Variants in NDST3 observed in about 807,000 individuals in gnomAD.
The protein encoded by NDST3 is bifunctional heparan sulfate N-deacetylase/N-sulfotransferase 3.
In NDST3, 58 loss-of-function variants were observed where a neutral mutation model predicts 96.1. That is an observed-to-expected ratio of 0.60 (90% CI 0.49 to 0.75). The LOEUF (loss-of-function observed/expected upper bound fraction) is 0.75, where lower values mean the gene tolerates loss of function less well. Among genes scored for constraint, NDST3 ranks in the 30% least tolerant of loss-of-function variants. NDST3 has a pLI of 0.00. For missense variants in NDST3, 788 were observed against 1,034.2 expected, an observed-to-expected ratio of 0.76 and a Z score of 3.27; for synonymous variants, 333 against 359.7, an observed-to-expected ratio of 0.93 and a Z score of 0.84.
chr4:118,055,033 C>T, intron 2 of NDST3, 142 bp downstream of exon 2: 2 of 937,854 alleles, frequency 2.1e-6, no homozygotes, highest in Non-Finnish European at 3.4e-6. Context: ...ATCGCTCACC[C>T]TAAATCAACT....
intron 2 of NDST3, among the ~76,000 whole-genome samples, chr4:118,093,162 GA>G (rs1466981541): frequency 1.3e-5 from 2 of 151,800 alleles, no homozygotes; most frequent in African/African-American, 4.8e-5. Context: ...ATTCATTCAA[GA>G]ATGGCATTTG....
intron 6 of NDST3, among the ~76,000 whole-genome samples, chr4:118,199,951 C>A (rs1467875621): frequency 2.0e-5 from 3 of 152,308 alleles, no homozygotes; most frequent in Non-Finnish European, 4.4e-5. Flanking sequence ...GACACAAGCA[C>A]CCCTGTAGCC....
intron 6 of NDST3, among the ~76,000 whole-genome samples, chr4:118,192,349 A>C: frequency 6.6e-6 from 1 of 152,108 alleles, no homozygotes; most frequent in East Asian, 1.9e-4. Flanking sequence ...TTACTCAAGA[A>C]ATTTTGCCCA....
intron 10 of NDST3, among the ~76,000 whole-genome samples, chr4:118,238,689 A>T (rs613443): frequency 0.83 from 126,637 of 152,164 alleles, 54,393 homozygotes; most frequent in South Asian, 0.95. Context: ...ATAAATTTGA[A>T]GCTATACTTG....
chr4:118,110,489 T>G (rs1730547990), intron 3 of NDST3, among the ~76,000 whole-genome samples: 1 of 152,102 alleles, frequency 6.6e-6, no homozygotes, highest in Non-Finnish European at 1.5e-5. Context: ...CCTCATGAGG[T>G]TGTTTTGAGA....
intron 2 of NDST3, among the ~76,000 whole-genome samples, chr4:118,062,761 C>T (rs1048380516): frequency 7.2e-5 from 11 of 152,024 alleles, no homozygotes; most frequent in Non-Finnish European, 1.0e-4. Flanking sequence ...GAATGTTTCT[C>T]TACTATTAAG....
intron 5 of NDST3, among the ~76,000 whole-genome samples, chr4:118,142,198 C>G (rs943036786): frequency 1.3e-5 from 2 of 151,736 alleles, no homozygotes; most frequent in East Asian, 3.9e-4. Flanking sequence ...ATCATCAGAG[C>G]TAATATTTTA....
chr4:118,054,726 T>C lies in NDST3; in HGVS notation c.816T>C (p.Phe272=), dbSNP rs753182875. Residue 272 remains phenylalanine (F), a synonymous_variant, in exon 2 of 14, where the codon TTT becomes TTC. Transcript: ENST00000296499. ...ATGATGGAATTCAAAGGGTTCTTTT[T>C]GGCAACAACTTGAACTTTTGGCTGC... is the stretch of plus-strand genomic sequence containing the variant. The part of the protein sequence containing the change: ...GLHDGIQRVL[F]GNNLNFWLHK... 1.6e-5 allele frequency: 26 copies of C among 1,613,296 alleles called. No individual in the cohort carries two copies. The highest frequency in any genetic ancestry group is 2.5e-6 in the Non-Finnish European group (3 of 1,179,516).
At chr4:118,068,134 A>G (rs1220754923) in intron 2 of NDST3, among the ~76,000 whole-genome samples, 1 of 148,662 alleles carries the variant, frequency 6.7e-6, no homozygotes, top group Non-Finnish European at 1.5e-5. Context: ...GGTCACTTAC[A>G]TATGACATAG....
chr4:118,245,743 G>A (rs1293231269), intron 12 of NDST3, among the ~76,000 whole-genome samples: 1 of 152,012 alleles, frequency 6.6e-6, no homozygotes, highest in Non-Finnish European at 1.5e-5. Context: ...ATTTTTAAGT[G>A]GTTGTAACAG....
At chr4:118,226,690 A>G (rs1011212126) in intron 7 of NDST3, among the ~76,000 whole-genome samples, 196 bp from the exon 8 acceptor site, 8 of 151,924 alleles carry the variant, frequency 5.3e-5, no homozygotes, top group Admixed American at 2.0e-4. Flanking sequence ...TGCTCTGTAG[A>G]CTCTCAACCT....
intron 6 of NDST3, chr4:118,193,531 C>T: frequency 1.0e-6 from 1 of 980,450 alleles, no homozygotes; most frequent in Non-Finnish European, 1.6e-6. Context: ...CCTCAGCCAG[C>T]CTCTCAAACG....
At chr4:118,148,681 T>A (rs942600660) in intron 6 of NDST3, among the ~76,000 whole-genome samples, 1 of 152,138 alleles carries the variant, frequency 6.6e-6, no homozygotes, top group African/African-American at 2.4e-5. Flanking sequence ...TTAACCCACA[T>A]TGAAATTGAA....
intron 1 of NDST3, among the ~76,000 whole-genome samples, chr4:118,043,282 A>G (rs1464770823): frequency 6.6e-6 from 1 of 152,236 alleles, no homozygotes; most frequent in African/African-American, 2.4e-5. Flanking sequence ...ATACAGTAAA[A>G]GTGTCAAATT....
chr4:118,145,741 G>C (rs1361319065), intron 6 of NDST3, among the ~76,000 whole-genome samples: 1 of 152,048 alleles, frequency 6.6e-6, no homozygotes, highest in Non-Finnish European at 1.5e-5. Flanking sequence ...TGGGGGAGCC[G>C]CACAAAACTT....
chr4:118,244,490 A>G (rs1290045982), intron 12 of NDST3, among the ~76,000 whole-genome samples: 1 of 152,024 alleles, frequency 6.6e-6, no homozygotes. Context: ...TGGTGCTTAA[A>G]ATTTTTTTTT....
intron 2 of NDST3, among the ~76,000 whole-genome samples, chr4:118,056,763 GAT>G (rs1725467122): frequency 2.0e-5 from 3 of 151,950 alleles, no homozygotes; most frequent in African/African-American, 7.2e-5. Flanking sequence ...TTCAGTTCTT[GAT>G]ATGGCTATAT....
intron 6 of NDST3, among the ~76,000 whole-genome samples, chr4:118,200,917 T>C (rs1738035592): frequency 2.0e-5 from 3 of 152,170 alleles, no homozygotes; most frequent in Non-Finnish European, 2.9e-5. Context: ...TAGTACTCAA[T>C]AGGTAGTTTT....
At chr4:118,097,895 G>A (rs1056222648) in intron 2 of NDST3, among the ~76,000 whole-genome samples, 28 of 151,204 alleles carry the variant, frequency 1.9e-4, no homozygotes, top group Non-Finnish European at 3.5e-4. Flanking sequence ...TTCTGTTCTT[G>A]ACATCACGCT....
Sources: gnomAD v4.1 joint callset for allele counts (sites outside exome capture counted in the v4.1 genomes callset) on GRCh38, gnomAD v4.1.1 for gene constraint, MANE v1.5 for transcripts, NCBI Gene and HGNC (gene_info 2026-07-23, HGNC 2026-07-21) for gene names.